Variants in GSE1 observed in about 807,000 individuals in gnomAD.
GSE1 encodes genetic suppressor element 1.
GSE1 carries 32 observed loss-of-function variants against 112.6 expected under a neutral mutation model. The observed-to-expected ratio is 0.28, with a 90% CI of 0.21 to 0.38. The LOEUF (loss-of-function observed/expected upper bound fraction) is 0.38, where lower values mean the gene tolerates loss of function less well. Among genes scored for constraint, GSE1 ranks in the 10% least tolerant of loss-of-function variants. GSE1 has a pLI of 1.00. For missense variants in GSE1, 2,348 were observed against 1,699.2 expected, an observed-to-expected ratio of 1.38 and a Z score of -6.71; for synonymous variants, 1,115 against 735.6, an observed-to-expected ratio of 1.52 and a Z score of -8.35.
chr16:85,212,709 T>G (rs1387330336), intron 1 of GSE1, among the ~76,000 whole-genome samples: 1 of 152,160 alleles, frequency 6.6e-6, no homozygotes, highest in Non-Finnish European at 1.5e-5. Context: ...AAAACTAATA[T>G]GACGCCCCAC....
intron 1 of GSE1, among the ~76,000 whole-genome samples, chr16:85,218,114 C>T (rs527244663): frequency 6.6e-6 from 1 of 152,216 alleles, no homozygotes; most frequent in East Asian, 1.9e-4. Flanking sequence ...GTTGGCCAGG[C>T]TGGTCTCGAA....
At chr16:85,644,492 G>A (rs2050694134) in intron 2 of GSE1, among the ~76,000 whole-genome samples, 1 of 152,216 alleles carries the variant, frequency 6.6e-6, no homozygotes, top group Non-Finnish European at 1.5e-5. Flanking sequence ...CCGCGGGAAG[G>A]AGAGATTCTC....
rs148053707 is a variant in GSE1 at position 85,429,226 on chromosome 16, C to T, written c.2464+71583C>T. ...CACAGCCCCCGCCCAGGACCTGTGT[C>T]CGGAGCACCCCCCAGGATGCCCGGC... is the stretch of plus-strand genomic sequence containing the variant. On this transcript the variant is annotated intron_variant, in intron 2 of 2. Coordinates refer to the GSE1 transcript ENST00000637419. 5.6e-3 allele frequency among the ~76,000 whole-genome samples: 857 copies of T among 152,316 alleles called. 4 individuals carry two copies. The highest frequency in any genetic ancestry group is 0.02 in the African/African-American group (812 of 41,566).
chr16:85,173,797 A>G (rs1033160271), intron 1 of GSE1, among the ~76,000 whole-genome samples: 11 of 152,220 alleles, frequency 7.2e-5, no homozygotes, highest in African/African-American at 2.2e-4. Context: ...GGGAGTGGAC[A>G]GTAGTCTGGT....
intron 2 of GSE1, among the ~76,000 whole-genome samples, chr16:85,527,555 C>G (rs1028199801): frequency 6.6e-6 from 1 of 152,282 alleles, no homozygotes. Context: ...GAGGCGGTTA[C>G]TTCCTACGCA....
At chr16:85,642,563 T>C (rs2050530030) in intron 2 of GSE1, among the ~76,000 whole-genome samples, 1 of 152,208 alleles carries the variant, frequency 6.6e-6, no homozygotes, top group African/African-American at 2.4e-5. Context: ...ATCGGCAGCA[T>C]GGGCTAGGCA....
In GSE1 at chr16:85,501,011, T is replaced by TTTTTTTA. The variant is rs1555522887; in HGVS notation, c.2465-132897_2465-132896insATTTTTT. On this transcript the variant is annotated intron_variant, in intron 2 of 2. Coordinates refer to the GSE1 transcript ENST00000637419. Reference sequence around the variant, plus strand: ...ATGGCCTGTTCTGTTTTTTTTTTTTTTTTTTTTTTTTTGAGACGGAGTCTC... The same window carrying TTTTTTTA: ...ATGGCCTGTTCTGTTTTTTTTTTTTTTTTTTTATTTTTTTTTTTTGAGACGGAGTCTC... 1.5e-5 allele frequency among the ~76,000 whole-genome samples: 2 copies of TTTTTTTA among 133,868 alleles called. 1 individual carries two copies. The highest frequency in any genetic ancestry group is 6.3e-5 in the African/African-American group (2 of 31,624). The allele number at this position is 133,868 out of a possible 152,430, so 87.8% of individuals were successfully genotyped here.
At chr16:85,350,265 G>T (rs1007879217) in intron 1 of GSE1, among the ~76,000 whole-genome samples, 1 of 152,210 alleles carries the variant, frequency 6.6e-6, no homozygotes, top group Non-Finnish European at 1.5e-5. Flanking sequence ...CAGGTGAGTG[G>T]CAGCTTGGAC....
At chr16:85,249,627 AG>A (rs1906235659) in intron 1 of GSE1, among the ~76,000 whole-genome samples, 1 of 152,206 alleles carries the variant, frequency 6.6e-6, no homozygotes. Flanking sequence ...GGTTCCCGCC[AG>A]GACACTGGGG....
At chr16:85,343,825 C>G (rs1188970142) in intron 1 of GSE1, among the ~76,000 whole-genome samples, 1 of 152,202 alleles carries the variant, frequency 6.6e-6, no homozygotes, top group Non-Finnish European at 1.5e-5. Flanking sequence ...AGGCTCCCCT[C>G]TCACTGCGAA....
chr16:85,422,776 C>A (rs868616207), intron 2 of GSE1, among the ~76,000 whole-genome samples: 1 of 152,072 alleles, frequency 6.6e-6, no homozygotes, highest in Non-Finnish European at 1.5e-5. Flanking sequence ...GGTTTGGGGG[C>A]GCTGCTGCCC....
intron 2 of GSE1, among the ~76,000 whole-genome samples, chr16:85,416,887 ACT>A (rs1474494427): frequency 1.3e-5 from 2 of 151,858 alleles, no homozygotes; most frequent in Non-Finnish European, 2.9e-5. Flanking sequence ...GCAGAGTCTC[ACT>A]CTGTCCCCCA....
At chr16:85,192,895 C>G (rs184713671) in intron 1 of GSE1, among the ~76,000 whole-genome samples, 1 of 152,132 alleles carries the variant, frequency 6.6e-6, no homozygotes, top group Non-Finnish European at 1.5e-5. Context: ...TGTGTAAATG[C>G]CCTCGCAAAC....
At chr16:85,254,138 C>G (rs1422498863) in intron 1 of GSE1, among the ~76,000 whole-genome samples, 1 of 152,226 alleles carries the variant, frequency 6.6e-6, no homozygotes, top group African/African-American at 2.4e-5. Context: ...CATCTCACCT[C>G]TCGGGATCGC....
intron 1 of GSE1, among the ~76,000 whole-genome samples, chr16:85,282,046 G>C (rs1300662721): frequency 7.8e-6 from 1 of 127,986 alleles, no homozygotes; most frequent in African/African-American, 3.1e-5. Flanking sequence ...TTTTTTTTTT[G>C]AGACAGAGGC....
intron 1 of GSE1, among the ~76,000 whole-genome samples, chr16:85,210,791 T>C (rs2075211794): frequency 6.6e-6 from 1 of 152,240 alleles, no homozygotes; most frequent in Admixed American, 6.5e-5. Context: ...TGTCACCGTG[T>C]CATCTTAGCA....
At chr16:85,669,296 T>G (rs2053136466) in intron 14 of GSE1, among the ~76,000 whole-genome samples, 1 of 152,266 alleles carries the variant, frequency 6.6e-6, no homozygotes, top group African/African-American at 2.4e-5. Flanking sequence ...TAACATGTCC[T>G]AGAGGACTCT....
intron 1 of GSE1, among the ~76,000 whole-genome samples, chr16:85,353,931 C>T (rs992495421): frequency 2.0e-5 from 3 of 152,242 alleles, no homozygotes; most frequent in African/African-American, 7.2e-5. Flanking sequence ...TTGCAGGAAG[C>T]CTGCTGCCTG....
intron 1 of GSE1, among the ~76,000 whole-genome samples, chr16:85,309,392 G>A (rs1337657706): frequency 2.6e-5 from 4 of 152,006 alleles, no homozygotes; most frequent in Admixed American, 2.6e-4. Context: ...TCCTCAGGAG[G>A]CTGAGGCAGG....
Sources: gnomAD v4.1 joint callset for allele counts (sites outside exome capture counted in the v4.1 genomes callset) on GRCh38, gnomAD v4.1.1 for gene constraint, MANE v1.5 for transcripts, NCBI Gene and HGNC (gene_info 2026-07-23, HGNC 2026-07-21) for gene names.